ZNF385B: variants seen among roughly 807,000 people sequenced by gnomAD.
The protein encoded by ZNF385B is zinc finger protein 385B, also known as zinc finger protein 533.
ZNF385B carries 23 observed loss-of-function variants against 39.2 expected under a neutral mutation model. The ratio of observed to expected loss-of-function variants is 0.59; its 90% CI spans 0.42 to 0.83. The LOEUF (loss-of-function observed/expected upper bound fraction) is 0.83. Ranked by LOEUF, ZNF385B falls within the 40% of genes least tolerant of loss-of-function variation. ZNF385B has a pLI of 0.00. For missense variants in ZNF385B, 552 were observed against 598.9 expected (o/e 0.92, Z 0.82); for synonymous variants, 205 against 222.6 (o/e 0.92, Z 0.70).
chr2:179,561,593 T>G (rs2061338095), intron 3 of ZNF385B, among the ~76,000 whole-genome samples: 2 of 150,984 alleles, frequency 1.3e-5, no homozygotes, highest in African/African-American at 4.9e-5. Flanking sequence ...GATAATATAT[T>G]TATCCATGTT....
intron 7 of ZNF385B, among the ~76,000 whole-genome samples, chr2:179,446,208 CTCTTT>C (rs1158829579): frequency 6.6e-6 from 1 of 151,952 alleles, no homozygotes; most frequent in Non-Finnish European, 1.5e-5. Flanking sequence ...CCATTTTTTT[CTCTTT>C]TAAGTGTATT....
intron 3 of ZNF385B, among the ~76,000 whole-genome samples, chr2:179,716,043 C>A (rs565001930): frequency 6.6e-6 from 1 of 152,288 alleles, no homozygotes; most frequent in Non-Finnish European, 1.5e-5. Context: ...AACATTTTGT[C>A]TAACACTCCA....
chr2:179,643,011 C>A (rs1172208219), intron 3 of ZNF385B, among the ~76,000 whole-genome samples: 2 of 152,016 alleles, frequency 1.3e-5, no homozygotes, highest in African/African-American at 4.8e-5. Flanking sequence ...TGATAGAACA[C>A]AATTTTCTCT....
intron 4 of ZNF385B, among the ~76,000 whole-genome samples, chr2:179,540,227 A>AG (rs2059828323): frequency 6.6e-6 from 1 of 152,104 alleles, no homozygotes; most frequent in Non-Finnish European, 1.5e-5. Flanking sequence ...GGGAAGGATC[A>AG]CCTGAGGTTG....
At position 179,830,871 on chromosome 2, in the gene ZNF385B, T is replaced by G. The variant is rs1707945461; in HGVS notation, c.-155+30230A>C. On this transcript the variant is annotated intron_variant, in intron 1 of 9. Transcript: ENST00000410066. ...GCAAACAAGGGCCTTTAGTTAATAA[T>G]AATGCATCAACATTGTGTCAACAAC... Among the ~76,000 whole-genome samples the G allele has an allele frequency of 2.0e-5, 3 of 152,266 alleles. No homozygotes were observed. The South Asian group carries it at 6.2e-4, about 32-fold the overall frequency.
At chr2:179,459,119 T>G (rs1663800056) in intron 6 of ZNF385B, among the ~76,000 whole-genome samples, 1 of 152,220 alleles carries the variant, frequency 6.6e-6, no homozygotes, top group African/African-American at 2.4e-5. Context: ...TTCTCTGAAT[T>G]TTCAGGTCTT....
chr2:179,675,455 T>C (rs1201210828), intron 3 of ZNF385B, among the ~76,000 whole-genome samples: 1 of 152,204 alleles, frequency 6.6e-6, no homozygotes. Flanking sequence ...GGTCTTTTGA[T>C]AAAGTAGTTT....
chr2:179,818,222 A>T (rs1180359197), intron 1 of ZNF385B, among the ~76,000 whole-genome samples: 1 of 152,148 alleles, frequency 6.6e-6, no homozygotes, highest in African/African-American at 2.4e-5. Context: ...AAAATCATAC[A>T]AGTGCAGTTT....
chr2:179,617,877 T>C (rs956451584), intron 3 of ZNF385B, among the ~76,000 whole-genome samples: 14 of 152,306 alleles, frequency 9.2e-5, no homozygotes, highest in Middle Eastern at 6.8e-3. Flanking sequence ...TCTTAAAGAA[T>C]GTACCCATAA....
intron 1 of ZNF385B, among the ~76,000 whole-genome samples, chr2:179,818,443 C>T (rs987730892): frequency 5.3e-5 from 8 of 152,152 alleles, no homozygotes; most frequent in Admixed American, 1.3e-4. Context: ...ATTTTTCCTT[C>T]ACTAAGTGGC....
chr2:179,662,551 G>C (rs952367624), intron 3 of ZNF385B, among the ~76,000 whole-genome samples: 36 of 152,038 alleles, frequency 2.4e-4, no homozygotes, highest in Admixed American at 2.0e-3. Context: ...GGAGAACTGA[G>C]CATCCGGCTC....
At chr2:179,459,424 C>T (rs546434319) in intron 6 of ZNF385B, among the ~76,000 whole-genome samples, 1 of 152,174 alleles carries the variant, frequency 6.6e-6, no homozygotes, top group South Asian at 2.1e-4. Flanking sequence ...AGAAAGTCTC[C>T]CTCTAGAAAT....
intron 1 of ZNF385B, among the ~76,000 whole-genome samples, chr2:179,797,943 C>T (rs1575509904): frequency 6.6e-6 from 1 of 152,154 alleles, no homozygotes; most frequent in Non-Finnish European, 1.5e-5. Flanking sequence ...AAAAGAAAAT[C>T]CTGTCATCAA....
At chr2:179,620,668 T>C (rs973270380) in intron 3 of ZNF385B, among the ~76,000 whole-genome samples, 3 of 152,156 alleles carry the variant, frequency 2.0e-5, no homozygotes, top group African/African-American at 4.8e-5. Flanking sequence ...TGAACTAATT[T>C]ACTAACTACT....
At chr2:179,604,635 A>C (rs1245992239) in intron 3 of ZNF385B, among the ~76,000 whole-genome samples, 1 of 151,844 alleles carries the variant, frequency 6.6e-6, no homozygotes, top group South Asian at 2.1e-4. Context: ...TCCTAAGTAA[A>C]TATTTTTATA....
chr2:179,464,397 G>A (rs1030814554), intron 6 of ZNF385B, among the ~76,000 whole-genome samples: 5 of 152,024 alleles, frequency 3.3e-5, no homozygotes, highest in African/African-American at 4.8e-5. Context: ...CATTGCTTTC[G>A]GTGTTTTAGA....
intron 3 of ZNF385B, among the ~76,000 whole-genome samples, chr2:179,726,930 T>A (rs1006023340): frequency 2.6e-5 from 4 of 152,074 alleles, no homozygotes; most frequent in Non-Finnish European, 5.9e-5. Flanking sequence ...ATTGAGCTAG[T>A]TAATGAAGAA....
intron 3 of ZNF385B, among the ~76,000 whole-genome samples, chr2:179,655,497 A>C (rs934568623): frequency 6.6e-6 from 1 of 152,052 alleles, no homozygotes; most frequent in African/African-American, 2.4e-5. Context: ...GAAAGCAAAA[A>C]AAAAAAACCC....
chr2:179,590,805 G>A (rs1475917515), intron 3 of ZNF385B, among the ~76,000 whole-genome samples: 1 of 152,064 alleles, frequency 6.6e-6, no homozygotes, highest in Admixed American at 6.5e-5. Context: ...CTGCTGCCAT[G>A]TAAGATGTCC....
Sources: allele counts gnomAD v4.1 joint callset (sites outside exome capture counted in the v4.1 genomes callset), GRCh38; gene constraint gnomAD v4.1.1; transcripts MANE v1.5; gene names NCBI Gene and HGNC (gene_info 2026-07-23, HGNC 2026-07-21).